MED20: variants seen among roughly 807,000 people sequenced by gnomAD.
MED20 encodes the protein mediator complex subunit 20, also known as mediator of RNA polymerase II transcription subunit 20.
MED20 carries 19 observed loss-of-function variants against 19.7 expected under a neutral mutation model. That is an observed-to-expected ratio of 0.96 (90% CI 0.67 to 1.42). The LOEUF (loss-of-function observed/expected upper bound fraction) is 1.42. MED20 is among the 40% of genes most tolerant of loss of function. MED20 has a pLI of 0.00. For missense variants in MED20, 225 were observed against 273.0 expected (o/e 0.82, Z 1.24); for synonymous variants, 105 against 104.8 (o/e 1.00, Z -0.01).
intron 2 of MED20, among the ~76,000 whole-genome samples, chr6:41,915,027 G>A (rs1309361630): frequency 6.6e-6 from 1 of 152,212 alleles, no homozygotes; most frequent in East Asian, 1.9e-4. Context: ...TCAGTAAACA[G>A]GGCCAGGAAA....
Position 41,909,479 on chromosome 6 carries a change from G to A in MED20, c.213C>T (p.Tyr71=). Reference sequence around the variant, plus strand: ...CAAAGAGGGCGAAACAGCTCAATGGGTACTCTGAGTTGTGCATCACATACA... The same window carrying A: ...CAAAGAGGGCGAAACAGCTCAATGGATACTCTGAGTTGTGCATCACATACA... ...KLMYVMHNSE[Y]PLSCFALFEN... Residue 71 remains tyrosine (Y), a synonymous_variant, in exon 3 of 4, where the codon TAC becomes TAT. Transcript: ENST00000265350. The A allele has an allele frequency of 1.2e-6, 2 of 1,614,234 alleles. No individual in the cohort carries two copies. The highest frequency in any genetic ancestry group is 1.7e-6 in the Non-Finnish European group (2 of 1,180,056).
In MED20 at chr6:41,905,659, C is replaced by T. The variant is rs778004990; in HGVS notation, c.*1413G>A. On this transcript the variant is annotated 3_prime_UTR_variant, in exon 4 of 4. Coordinates refer to ENST00000265350, the MANE Select transcript of MED20 (RefSeq NM_004275.5). ...ACATACATTCACAATTCTCCAAGAC[C>T]ATCTCTGTGTATATCAAGGTTAACC... is the stretch of plus-strand genomic sequence containing the variant. 3 of 152,198 alleles carry T rather than the reference C, an allele frequency of 2.0e-5. No homozygotes were observed. Among genetic ancestry groups the T allele is most frequent in the Non-Finnish European group, 4.4e-5 (3 of 68,040 alleles). 9.4% of individuals were successfully genotyped at this position (152,198 alleles called of 1,614,324 possible). A position where few individuals can be genotyped will look rare whatever the true frequency, so the allele number is the denominator to read the frequency against.
chr6:41,917,509 A>G, intron 1 of MED20: 5 of 262,508 alleles, frequency 1.9e-5, no homozygotes, highest in South Asian at 1.7e-4. Flanking sequence ...AAGATAACTC[A>G]TTACACTTGG....
intron 1 of MED20, 39 bp downstream of exon 1, chr6:41,920,966 A>C (rs1775449519): frequency 3.8e-6 from 6 of 1,597,374 alleles, no homozygotes; most frequent in Admixed American, 1.7e-5. Flanking sequence ...GCCTTTCACA[A>C]CTCCAAGCCC....
At chr6:41,907,575 G>C (rs536883312) in intron 3 of MED20, among the ~76,000 whole-genome samples, 31 of 152,130 alleles carry the variant, frequency 2.0e-4, no homozygotes, top group Non-Finnish European at 3.5e-4. Context: ...GGACTGTGTT[G>C]TCCCTGCTAT....
At chr6:41,917,255 C>T (rs934375913) in intron 1 of MED20, among the ~76,000 whole-genome samples, 10 of 152,106 alleles carry the variant, frequency 6.6e-5, no homozygotes, top group Non-Finnish European at 1.3e-4. Context: ...CAAAAATTAG[C>T]TGGGCGTGGT....
intron 1 of MED20, among the ~76,000 whole-genome samples, chr6:41,918,940 C>T (rs901869894): frequency 8.6e-6 from 1 of 115,872 alleles, no homozygotes; most frequent in Non-Finnish European, 1.7e-5. Context: ...GGCGACAGAG[C>T]GAGACTCCGT....
rs1294066219 is a variant in MED20 at position 41,905,512 on chromosome 6, A to C, written c.*1560T>G. On this transcript the variant is annotated 3_prime_UTR_variant, in exon 4 of 4. Coordinates refer to ENST00000265350, the MANE Select transcript of MED20 (RefSeq NM_004275.5). ...TGAGCTTCCTGTCAGCCAAAACTAGAAGGGAAACATGACCACCACCTGACT... is the reference window on the plus strand; with the variant it reads ...TGAGCTTCCTGTCAGCCAAAACTAGCAGGGAAACATGACCACCACCTGACT... The C allele has an allele frequency of 6.6e-6, 1 of 152,174 alleles. No individual in the cohort carries two copies. The highest frequency in any genetic ancestry group is 1.5e-5 in the Non-Finnish European group (1 of 68,040). The allele number at this position is 152,174 out of a possible 1,614,324, so 9.4% of individuals were successfully genotyped here.
chr6:41,917,912 C>G (rs749393759), intron 1 of MED20: 10 of 372,692 alleles, frequency 2.7e-5, no homozygotes, highest in Non-Finnish European at 2.4e-5. Context: ...TGCTATTCAA[C>G]AGCCCTAGGA....
At chr6:41,909,224 C>G (rs776283808) in intron 3 of MED20, 45 bp downstream of exon 3, 1 of 1,583,448 alleles carries the variant, frequency 6.3e-7, no homozygotes, top group Non-Finnish European at 8.6e-7. Flanking sequence ...CTTTGCTAAG[C>G]AGCCCCCTCA....
In MED20 at chr6:41,912,199, CTTTTTTT is replaced by C. The variant is rs887419565; in HGVS notation, c.170-2684_170-2678del. Among the ~76,000 whole-genome samples the C allele has an allele frequency of 7.9e-4, 94 of 119,270 alleles. 1 individual carries two copies. The highest frequency in any genetic ancestry group is 2.8e-3 in the African/African-American group (79 of 28,204). 78.2% of individuals were successfully genotyped at this position (119,270 alleles called of 152,430 possible). On this transcript the variant is annotated intron_variant, in intron 2 of 3. Transcript: ENST00000265350. Reference sequence around the variant, plus strand: ...ATGTAGCTGGGACCACCATGCCCACCTTTTTTTTTTTTTTTTTTTTTTGTAAAGATGA... The same window carrying C: ...ATGTAGCTGGGACCACCATGCCCACCTTTTTTTTTTTTTTTGTAAAGATGA...
chr6:41,910,394 G>A (rs940819946), intron 2 of MED20, among the ~76,000 whole-genome samples: 3 of 152,174 alleles, frequency 2.0e-5, no homozygotes, highest in Non-Finnish European at 4.4e-5. Context: ...CACTTTGGGA[G>A]GCTGAGGCGG....
intron 2 of MED20, among the ~76,000 whole-genome samples, chr6:41,910,738 A>G (rs1190813715): frequency 6.6e-6 from 1 of 152,062 alleles, no homozygotes; most frequent in South Asian, 2.1e-4. Flanking sequence ...TGCTTATTAC[A>G]TATATAAGCC....
chr6:41,917,888 A>G (rs1582064209), intron 1 of MED20: 2 of 412,962 alleles, frequency 4.8e-6, no homozygotes, highest in African/African-American at 4.1e-5. Context: ...GAACATTTCC[A>G]TCATCACAGA....
At chr6:41,915,965 A>G (rs1329317620) in intron 2 of MED20, among the ~76,000 whole-genome samples, 1 of 152,114 alleles carries the variant, frequency 6.6e-6, no homozygotes, top group Non-Finnish European at 1.5e-5. Context: ...ATAAAGCTTT[A>G]GCCAGGAGTG....
intron 1 of MED20, 174 bp downstream of exon 1, chr6:41,920,831 C>A (rs1317726609): frequency 3.5e-5 from 23 of 654,690 alleles, no homozygotes; most frequent in Middle Eastern, 4.2e-4. Flanking sequence ...GAGGAAGGGG[C>A]GCATCTCTGA....
intron 3 of MED20, 27 bp from the exon 4 acceptor site, chr6:41,907,314 G>T: frequency 6.3e-7 from 1 of 1,586,072 alleles, no homozygotes. Context: ...CAGAGAATGA[G>T]GGTGAATGAA....
At position 41,909,275 on chromosome 6, in the gene MED20, A is replaced by G; in HGVS notation, c.417T>C (p.Ser139=). 1 of 1,613,796 alleles carries G rather than the reference A, an allele frequency of 6.2e-7. No individual in the cohort carries two copies. The highest frequency in any genetic ancestry group is 8.5e-7 in the Non-Finnish European group (1 of 1,179,874). ...ATTTTCACCAAGGTCTTACCTCCAC[A>G]GAGATGCCCCGGGCACTGGGCCCCA... ...VTMGPSARGI[S]VEVEYGPCVV... is the part of the protein sequence containing the mutation. The change falls in exon 3 of 4, where the codon TCT becomes TCC. Residue 139 remains serine, a synonymous_variant. Transcript: ENST00000265350.
At chr6:41,911,851 T>C (rs891865473) in intron 2 of MED20, among the ~76,000 whole-genome samples, 2 of 152,114 alleles carry the variant, frequency 1.3e-5, no homozygotes, top group African/African-American at 4.8e-5. Context: ...ACTTCTCGAC[T>C]CTGAAGAAAA....
Sources: allele counts gnomAD v4.1 joint callset (sites outside exome capture counted in the v4.1 genomes callset), GRCh38; gene constraint gnomAD v4.1.1; transcripts MANE v1.5; gene names NCBI Gene and HGNC (gene_info 2026-07-23, HGNC 2026-07-21).